Variants in ABCC1 observed in about 807,000 individuals in gnomAD.
The protein encoded by ABCC1 is ATP binding cassette subfamily C member 1 (ABCC1 blood group), also known as multidrug resistance-associated protein 1.
Under a neutral mutation model 172.9 loss-of-function variants are expected in ABCC1, and 83 were observed. That is an observed-to-expected ratio of 0.48 (90% CI 0.40 to 0.58). The LOEUF is 0.58. ABCC1 is among the 20% of genes least tolerant of loss of function. ABCC1 has a pLI of 0.00. For missense variants in ABCC1, 1,817 were observed against 2,002.7 expected (o/e 0.91, Z 1.77); for synonymous variants, 937 against 825.2 (o/e 1.14, Z -2.32).
chr16:16,126,885 C>A (rs2045464270), intron 26 of ABCC1, among the ~76,000 whole-genome samples: 1 of 152,140 alleles, frequency 6.6e-6, no homozygotes, highest in Non-Finnish European at 1.5e-5. Context: ...TTGGGAAACC[C>A]TGCCGTTATT....
At chr16:16,080,864 T>C (rs1218560330) in intron 16 of ABCC1, among the ~76,000 whole-genome samples, 9 of 76,660 alleles carry the variant, frequency 1.2e-4, no homozygotes, top group Non-Finnish European at 1.6e-4. Flanking sequence ...TTTATGACGT[T>C]GTTTGTTGTT....
chr16:16,037,197 T>C (rs1237889984), intron 7 of ABCC1, among the ~76,000 whole-genome samples: 1 of 152,208 alleles, frequency 6.6e-6, no homozygotes, highest in African/African-American at 2.4e-5. Flanking sequence ...TCTCACTTTT[T>C]TCTGTCTCTT....
At chr16:15,955,721 C>G (rs995257136) in intron 1 of ABCC1, among the ~76,000 whole-genome samples, 1 of 151,682 alleles carries the variant, frequency 6.6e-6, no homozygotes, top group South Asian at 2.1e-4. Flanking sequence ...ATCTCTGTCC[C>G]CCATCTACAC....
At chr16:16,103,139 C>G (rs2051848436) in intron 20 of ABCC1, among the ~76,000 whole-genome samples, 1 of 152,080 alleles carries the variant, frequency 6.6e-6, no homozygotes, top group African/African-American at 2.4e-5. Flanking sequence ...CGCTTGAGGC[C>G]AGGAGTTTGA....
intron 1 of ABCC1, among the ~76,000 whole-genome samples, chr16:15,979,829 G>C (rs559816293): frequency 6.6e-6 from 1 of 152,076 alleles, no homozygotes; most frequent in Non-Finnish European, 1.5e-5. Context: ...GACCTGGTGT[G>C]GTGTGTGCCT....
intron 1 of ABCC1, among the ~76,000 whole-genome samples, chr16:15,982,803 C>CAAATAAAAAAAAAAAA (rs2046653270): frequency 2.3e-5 from 1 of 43,212 alleles, no homozygotes; most frequent in African/African-American, 8.4e-5. Context: ...GAGACGCTGT[C>CAAATAAAAAAAAAAAA]AAAAAAAAAA....
At chr16:16,079,526 G>A in intron 16 of ABCC1, 48 bp downstream of exon 16, 1 of 1,581,270 alleles carries the variant, frequency 6.3e-7, no homozygotes, top group Non-Finnish European at 8.6e-7. Context: ...CTGGTGGTCT[G>A]AGGAAAAGCT....
intron 1 of ABCC1, among the ~76,000 whole-genome samples, chr16:16,007,580 C>T (rs2047591752): frequency 6.6e-6 from 1 of 152,186 alleles, no homozygotes. Flanking sequence ...GACAGGGTCT[C>T]TGTTGCTCAG....
intron 1 of ABCC1, among the ~76,000 whole-genome samples, chr16:15,995,131 C>CA (rs949133848): frequency 1.3e-5 from 2 of 151,722 alleles, no homozygotes; most frequent in Non-Finnish European, 2.9e-5. Flanking sequence ...AACTCCGTCT[C>CA]AAAAAACAAA....
chr16:16,113,262 G>T (rs1430974318), intron 22 of ABCC1, among the ~76,000 whole-genome samples: 1 of 152,164 alleles, frequency 6.6e-6, no homozygotes, highest in Non-Finnish European at 1.5e-5. Flanking sequence ...AGAGGGTGTG[G>T]TATTACCTGA....
rs965026534 is a variant in ABCC1 at position 16,142,736 on chromosome 16, T to C, written c.*1455T>C. The C allele has an allele frequency of 1.3e-5, 2 of 152,248 alleles. No individual in the cohort carries two copies. Among genetic ancestry groups the C allele is most frequent in the African/African-American group, 4.8e-5 (2 of 41,432 alleles). 9.4% of individuals were successfully genotyped at this position (152,248 alleles called of 1,614,324 possible). ...AGCTCGCCCTGTGTTTGAAACCGTGTTGGTCTCTGTGTTCCTGGAAGAAAA... is the reference window on the plus strand; with the variant it reads ...AGCTCGCCCTGTGTTTGAAACCGTGCTGGTCTCTGTGTTCCTGGAAGAAAA... On this transcript the variant is annotated 3_prime_UTR_variant, in exon 31 of 31. Coordinates refer to ENST00000399410, the MANE Select transcript of ABCC1 (RefSeq NM_004996.4).
chr16:16,024,796 G>C (rs536089770), intron 5 of ABCC1, among the ~76,000 whole-genome samples: 4 of 152,228 alleles, frequency 2.6e-5, no homozygotes, highest in African/African-American at 9.6e-5. Flanking sequence ...GGGTGAGGTC[G>C]GTGGCACTTA....
chr16:15,979,855 A>T (rs747050355), intron 1 of ABCC1, among the ~76,000 whole-genome samples: 1 of 152,082 alleles, frequency 6.6e-6, no homozygotes, highest in African/African-American at 2.4e-5. Flanking sequence ...TGTGATCACA[A>T]ATGCTAGTTA....
intron 1 of ABCC1, among the ~76,000 whole-genome samples, chr16:15,976,866 G>A (rs995424526): frequency 6.6e-6 from 1 of 152,178 alleles, no homozygotes; most frequent in African/African-American, 2.4e-5. Flanking sequence ...GAGATTGGGT[G>A]GCTTCCCCCA....
chr16:16,027,023 C>T lies in ABCC1; in HGVS notation c.616-6086C>T, dbSNP rs145085010. On this transcript the variant is annotated intron_variant, in intron 5 of 30. Transcript: ENST00000399410. Reference sequence around the variant, plus strand: ...GGCTGGGGACTTAGTTTTACTGGGCCGAGGGAAGGTTAGGATTTGAGGGTC... The same window carrying T: ...GGCTGGGGACTTAGTTTTACTGGGCTGAGGGAAGGTTAGGATTTGAGGGTC... 1.8e-3 allele frequency among the ~76,000 whole-genome samples: 271 copies of T among 152,104 alleles called. 1 individual carries two copies. In the South Asian group the frequency reaches 0.038, roughly 21 times the overall value.
At chr16:16,063,042 T>C (rs2049978438) in intron 12 of ABCC1, among the ~76,000 whole-genome samples, 1 of 152,232 alleles carries the variant, frequency 6.6e-6, no homozygotes, top group African/African-American at 2.4e-5. Flanking sequence ...AGTTCTCTGC[T>C]GATCATATCC....
At chr16:16,064,462 A>G (rs1221311333) in intron 12 of ABCC1, among the ~76,000 whole-genome samples, 1 of 152,200 alleles carries the variant, frequency 6.6e-6, no homozygotes, top group Non-Finnish European at 1.5e-5. Flanking sequence ...GGATGGCTAG[A>G]TGACCTCCTC....
intron 12 of ABCC1, chr16:16,056,606 T>C (rs2049666037): frequency 5.0e-6 from 2 of 403,818 alleles, no homozygotes; most frequent in Admixed American, 4.0e-5. Context: ...GAGGCGACGG[T>C]TGGAGTGGGC....
intron 14 of ABCC1, among the ~76,000 whole-genome samples, chr16:16,074,969 CAG>C (rs2050499226): frequency 7.5e-6 from 1 of 133,832 alleles, no homozygotes; most frequent in Non-Finnish European, 1.6e-5. Context: ...TTTTTTGAGA[CAG>C]AGTTTCACTC....
Sources: allele counts gnomAD v4.1 joint callset (sites outside exome capture counted in the v4.1 genomes callset), GRCh38; gene constraint gnomAD v4.1.1; transcripts MANE v1.5; gene names NCBI Gene and HGNC (gene_info 2026-07-23, HGNC 2026-07-21).